Variants in IRAG2 observed in about 807,000 individuals in gnomAD.
IRAG2 encodes inositol 1,4,5-triphosphate receptor associated 2.
In IRAG2, 45 loss-of-function variants were observed where a neutral mutation model predicts 69.9. That is an observed-to-expected ratio of 0.64 (90% confidence interval 0.51 to 0.83). The LOEUF (loss-of-function observed/expected upper bound fraction) is 0.83, where lower values mean the gene tolerates loss of function less well. Ranked by LOEUF, IRAG2 falls within the 40% of genes least tolerant of loss-of-function variation. IRAG2 has a pLI of 0.00. For synonymous variants in IRAG2, 193 were observed against 202.4 expected, an observed-to-expected ratio of 0.95 and a Z score of 0.40; for missense variants, 520 against 587.0, an observed-to-expected ratio of 0.89 and a Z score of 1.18.
rs1391822392 is a variant in IRAG2, at chr12:25,066,314, G to C, written c.-206-51G>C. The C allele has an allele frequency of 1.2e-5, 5 of 400,360 alleles. No individual in the cohort carries two copies. In the East Asian group the frequency reaches 1.8e-4, roughly 14 times the overall value. 24.8% of individuals were successfully genotyped at this position (400,360 alleles called of 1,614,324 possible). A position where few individuals can be genotyped will look rare whatever the true frequency, so the allele number is the denominator to read the frequency against. On this transcript the variant is annotated intron_variant, in intron 4 of 21. Transcript: ENST00000556887. ...AGGAAAGACTTTATGCTTCAATATAGTTTGAACCAGAAATTGGTCTCTATT... is the reference window on the plus strand; with the variant it reads ...AGGAAAGACTTTATGCTTCAATATACTTTGAACCAGAAATTGGTCTCTATT...
At chr12:25,103,261 T>A (rs974243283) in intron 17 of IRAG2, 1 of 152,786 alleles carries the variant, frequency 6.5e-6, no homozygotes, top group African/African-American at 2.4e-5. Flanking sequence ...TAAAACATCA[T>A]GAAAATCCTT....
chr12:25,056,615 T>C (rs1221563793), intron 1 of IRAG2, among the ~76,000 whole-genome samples: 1 of 152,344 alleles, frequency 6.6e-6, no homozygotes, highest in East Asian at 1.9e-4. Context: ...AGCTAATGCT[T>C]GGCCACAGTT....
chr12:25,007,210 G>T (rs974045235), intron 2 of IRAG2, among the ~76,000 whole-genome samples: 2 of 152,078 alleles, frequency 1.3e-5, no homozygotes, highest in African/African-American at 4.8e-5. Context: ...GAGGCAAATC[G>T]CAGAGATCAT....
At chr12:25,046,904 A>G (rs1017237885) in intron 16 of IRAG2, among the ~76,000 whole-genome samples, 1 of 152,236 alleles carries the variant, frequency 6.6e-6, no homozygotes, top group Non-Finnish European at 1.5e-5. Context: ...AGATGGAGAC[A>G]TTACCGTTCC....
At chr12:25,050,784 AT>A (rs539679204), upstream of IRAG2, among the ~76,000 whole-genome samples, 116 of 152,314 alleles carry the variant, frequency 7.6e-4, no homozygotes, top group African/African-American at 2.7e-3. Flanking sequence ...ACAAGGGAAT[AT>A]TATCCAACCT....
chr12:25,009,613 G>A (rs529670649), intron 2 of IRAG2, among the ~76,000 whole-genome samples: 45 of 152,278 alleles, frequency 3.0e-4, no homozygotes, highest in Admixed American at 1.3e-3. Flanking sequence ...TGGGTCATGC[G>A]ATCATGGAGG....
chr12:25,102,211 T>C lies in IRAG2; in HGVS notation c.903T>C (p.Ile301=), dbSNP rs377202548. 5.0e-6 allele frequency: 8 copies of C among 1,613,084 alleles called. No individual in the cohort carries two copies. Among genetic ancestry groups the C allele is most frequent in the Non-Finnish European group, 6.8e-6 (8 of 1,179,508 alleles). Residue 301 remains isoleucine (I), a synonymous_variant, in exon 17 of 22, where the codon ATT becomes ATC. Transcript: ENST00000556887. ...NPLEDDDDCQ[I]KKRSASLNSK... is the part of the protein sequence containing the mutation. ...TTTTCCTTTCAGATGACTGCCAAATTAAAAAACGTTCAGCTTCTCTAAACT... is the reference window on the plus strand; with the variant it reads ...TTTTCCTTTCAGATGACTGCCAAATCAAAAAACGTTCAGCTTCTCTAAACT...
rs1315231525 is a variant in IRAG2, at chr12:25,096,737, A to G, written c.607-173A>G. 6.0e-6 allele frequency: 3 copies of G among 496,652 alleles called. No individual in the cohort carries two copies. In the Admixed American group the frequency reaches 1.1e-4, roughly 18 times the overall value. The allele number at this position is 496,652 out of a possible 1,614,324, so 30.8% of individuals were successfully genotyped here. On this transcript the variant is annotated intron_variant, in intron 14 of 21. Coordinates refer to ENST00000556887, the MANE Select transcript of IRAG2 (RefSeq NM_001366544.2). ...CCTGCGTATATCTACCCAGTACCCA[A>G]AAAAGATAATAATATATCAGTATCA...
chr12:25,039,005 A>G (rs1332990336), intron 16 of IRAG2, among the ~76,000 whole-genome samples: 1 of 152,182 alleles, frequency 6.6e-6, no homozygotes, highest in African/African-American at 2.4e-5. Flanking sequence ...TCTACCCTCA[A>G]TTCTTATGAT....
chr12:25,032,504 T>C (rs1406888370), intron 12 of IRAG2: 4 of 396,930 alleles, frequency 1.0e-5, no homozygotes, highest in Non-Finnish European at 1.8e-5. Flanking sequence ...TTTTTCTCCA[T>C]GAGAACTTCT....
intron 6 of IRAG2, among the ~76,000 whole-genome samples, chr12:25,071,305 C>T (rs1009811826): frequency 6.6e-6 from 1 of 152,026 alleles, no homozygotes; most frequent in African/African-American, 2.4e-5. Context: ...GAGATTGCGC[C>T]ACTGCACTCC....
At chr12:25,012,678 ATTAGCTGGGCGTGGTGG>A (rs1003624305) in intron 3 of IRAG2, among the ~76,000 whole-genome samples, 1 of 152,228 alleles carries the variant, frequency 6.6e-6, no homozygotes, top group Admixed American at 6.5e-5. Flanking sequence ...AAATACAAAA[ATTAGCTGGGCGTGGTGG>A]TTCACGCCTG....
intron 9 of IRAG2, chr12:25,027,002 G>A (rs1028393952): frequency 4.7e-6 from 2 of 421,740 alleles, no homozygotes; most frequent in African/African-American, 4.1e-5. Context: ...AAATATTTGA[G>A]TTATATAAAA....
chr12:25,100,000 G>GAAAAAAAAAAAAAAAAAA (rs56728551), intron 15 of IRAG2, among the ~76,000 whole-genome samples: 2 of 25,674 alleles, frequency 7.8e-5, no homozygotes, highest in African/African-American at 2.9e-4. Flanking sequence ...GACTCCATCT[G>GAAAAAAAAAAAAAAAAAA]AAAAAAAAAA....
chr12:25,001,714 G>C (rs891377612), upstream of IRAG2, among the ~76,000 whole-genome samples: 1 of 151,938 alleles, frequency 6.6e-6, no homozygotes, highest in African/African-American at 2.4e-5. Flanking sequence ...GGTTCTATAA[G>C]GGAGAAACGG....
intron 21 of IRAG2, among the ~76,000 whole-genome samples, chr12:25,107,479 C>T (rs1236056854): frequency 2.0e-5 from 3 of 152,172 alleles, no homozygotes; most frequent in Non-Finnish European, 2.9e-5. Context: ...CACAGACATC[C>T]ACTCTACCCA....
chr12:25,039,502 C>T (rs1276140664), intron 16 of IRAG2, among the ~76,000 whole-genome samples: 2 of 152,228 alleles, frequency 1.3e-5, no homozygotes, highest in Non-Finnish European at 2.9e-5. Flanking sequence ...GTGATCTCTG[C>T]TCACTGCAAG....
intron 20 of IRAG2, among the ~76,000 whole-genome samples, chr12:25,106,355 T>A (rs371142806): frequency 3.5e-5 from 5 of 143,528 alleles, no homozygotes; most frequent in African/African-American, 1.0e-4. Flanking sequence ...ATACATATTT[T>A]TATATATATA....
intron 9 of IRAG2, 105 bp from the exon 10 acceptor site, chr12:25,083,317 AC>A: frequency 2.6e-6 from 2 of 772,410 alleles, no homozygotes; most frequent in Non-Finnish European, 4.7e-6. Flanking sequence ...ATATGTTAAG[AC>A]CTTTGTCAGT....
Sources: gnomAD v4.1 joint callset for allele counts (sites outside exome capture counted in the v4.1 genomes callset) on GRCh38, gnomAD v4.1.1 for gene constraint, MANE v1.5 for transcripts, NCBI Gene and HGNC (gene_info 2026-07-23, HGNC 2026-07-21) for gene names.